SPTBN4: variants seen among roughly 807,000 people sequenced by gnomAD.
SPTBN4 encodes the protein spectrin beta chain, non-erythrocytic 4.
SPTBN4 carries 96 observed loss-of-function variants against 277.8 expected under a neutral mutation model. The observed-to-expected ratio is 0.35, with a 90% CI of 0.29 to 0.41. The LOEUF (loss-of-function observed/expected upper bound fraction) is 0.41, where lower values mean the gene tolerates loss of function less well. Ranked by LOEUF, SPTBN4 falls within the 10% of genes least tolerant of loss-of-function variation. The pLI is 1.00. For missense variants in SPTBN4, 3,006 were observed against 3,595.7 expected, an observed-to-expected ratio of 0.84 and a Z score of 4.19; for synonymous variants, 1,481 against 1,580.3, an observed-to-expected ratio of 0.94 and a Z score of 1.49.
chr19:40,554,317 G>C lies in SPTBN4; in HGVS notation c.4845G>C (p.Gln1615His), dbSNP rs761163124. The C allele has an allele frequency of 4.5e-6, 7 of 1,550,076 alleles. No homozygotes were observed. Among genetic ancestry groups the C allele is most frequent in the South Asian group, 3.5e-5 (3 of 84,908 alleles). ...GLREAAERRQ[Q>H]VLDAAFQVEQ... ...GGGAGGCTGCCGAGCGACGGCAGCA[G>C]GTGCTGGACGCCGCCTTCCAGGTGG... The change falls in exon 23 of 36, where the codon CAG (glutamine) becomes CAC (histidine). Residue 1615 changes from glutamine to histidine, a missense_variant. This residue lies in a region of SPTBN4 where 1,759 missense variants were observed against 2,061.5 expected (regional missense o/e 0.85). Coordinates refer to ENST00000598249, the MANE Select transcript of SPTBN4 (RefSeq NM_020971.3). This position sits in a 1 kb window ranked among gnomAD's most constrained non-coding sequence, Gnocchi z 5.7.
chr19:40,572,293 G>T (rs2081162935), intron 34 of SPTBN4, 45 bp from the exon 35 acceptor site: 5 of 1,612,200 alleles, frequency 3.1e-6, no homozygotes, highest in Non-Finnish European at 4.2e-6. Context: ...CAGGTGGGCT[G>T]GGCCCCTTCC....
At chr19:40,534,479 G>A in intron 20 of SPTBN4, 136 bp downstream of exon 20, 11 of 1,233,182 alleles carry the variant, frequency 8.9e-6, no homozygotes, top group Middle Eastern at 5.8e-4. Context: ...AGATGAGAAA[G>A]GGAATATTGA....
intron 2 of SPTBN4, among the ~76,000 whole-genome samples, chr19:40,481,470 T>TTTTTG (rs556360258): frequency 9.9e-5 from 15 of 151,976 alleles, no homozygotes; most frequent in Admixed American, 3.3e-4. Flanking sequence ...ATGGTCAGGT[T>TTTTTG]TTTTGTTTTG....
rs140501982 is a variant in SPTBN4 at position 40,490,101 on chromosome 19, G to A, written c.348G>A (p.Arg116=). Residue 116 remains arginine (R), a synonymous_variant, in exon 4 of 36, where the codon CGG becomes CGA. Coordinates refer to ENST00000598249, the MANE Select transcript of SPTBN4 (RefSeq NM_020971.3). This position sits in a 1 kb window ranked among gnomAD's most constrained non-coding sequence, Gnocchi z 4.3. The part of the protein sequence containing the change: ...QLPRPTRGRM[R]IHSLENVDKA... ...CCAGGCCCACGCGCGGCCGCATGCG[G>A]ATCCACTCACTGGAGAACGTGGACA... 1.1e-4 allele frequency: 177 copies of A among 1,613,290 alleles called. No homozygotes were observed. The African/African-American group carries it at 2.0e-3, about 18-fold the overall frequency.
chr19:40,513,554 G>C lies in SPTBN4; in HGVS notation c.2765G>C (p.Arg922Pro). 6.4e-7 allele frequency: 1 copy of C among 1,563,028 alleles called. No homozygotes were observed. ...SLDDVEVVQH[R>P]FESLDQEMNS... ...GACGACGTCGAGGTGGTGCAGCACC[G>C]GTGAGCGCGCACATGTGGGACTCCG... The change falls in exon 14 of 36, where the codon CGA (arginine) becomes CCA (proline). Residue 922 changes from arginine (R) to proline (P), a missense_variant and splice_region_variant. By Grantham distance (103) the Arg-to-Pro change is moderately radical (BLOSUM62 -2). This residue lies in a region of SPTBN4 where 1,759 missense variants were observed against 2,061.5 expected (regional missense o/e 0.85). Coordinates refer to ENST00000598249, the MANE Select transcript of SPTBN4 (RefSeq NM_020971.3).
intron 20 of SPTBN4, among the ~76,000 whole-genome samples, chr19:40,542,939 G>A (rs1362915621): frequency 6.6e-6 from 1 of 151,882 alleles, no homozygotes; most frequent in Non-Finnish European, 1.5e-5. Flanking sequence ...GTGCTGGCTC[G>A]GGGTCTGAGG....
intron 17 of SPTBN4, among the ~76,000 whole-genome samples, chr19:40,526,451 C>A (rs1022876913): frequency 2.6e-5 from 4 of 152,070 alleles, no homozygotes; most frequent in Admixed American, 2.0e-4. Flanking sequence ...GGATTACAGG[C>A]GTGAGCCACC....
chr19:40,493,217 C>T (rs954755650), intron 5 of SPTBN4, among the ~76,000 whole-genome samples, 163 bp downstream of exon 5: 2 of 152,198 alleles, frequency 1.3e-5, no homozygotes, highest in African/African-American at 4.8e-5. Flanking sequence ...ACTTCTCCAG[C>T]CTTGACTAAT....
intron 21 of SPTBN4, 23 bp downstream of exon 21, chr19:40,549,436 G>A: frequency 2.5e-6 from 3 of 1,214,360 alleles, no homozygotes; most frequent in Admixed American, 3.2e-5. Flanking sequence ...CAGGGGCCTG[G>A]GGCGGGGCGG....
chr19:40,472,705 G>A lies in SPTBN4; in HGVS notation c.84G>A (p.Pro28=), dbSNP rs143514364. 56 of 1,612,920 alleles carry A rather than the reference G, an allele frequency of 3.5e-5. No homozygotes were observed. The highest frequency in any genetic ancestry group is 3.7e-5 in the Non-Finnish European group (44 of 1,179,594). The change falls in exon 2 of 36, where the codon CCG becomes CCA. Residue 28 remains proline (P), a synonymous_variant. Transcript: ENST00000598249. ...ACCCTGCTGCCCGCTGGGAGAGTCCGGATCGGGGCTGGGAGCGGGAGCAGC... is the reference window on the plus strand; with the variant it reads ...ACCCTGCTGCCCGCTGGGAGAGTCCAGATCGGGGCTGGGAGCGGGAGCAGC... ...NNNPAARWES[P]DRGWEREQPA...
chr19:40,575,270 A>G (rs1452289654), intron 35 of SPTBN4, 141 bp from the exon 36 acceptor site: 12 of 1,003,778 alleles, frequency 1.2e-5, no homozygotes, highest in South Asian at 1.7e-5. Context: ...ACATATTGCT[A>G]TGTAACTGCA....
rs1161195514 is a variant in SPTBN4, at chr19:40,502,720, C to G, written c.1204-55C>G. 11 of 1,594,412 alleles carry G rather than the reference C, an allele frequency of 6.9e-6. No individual in the cohort carries two copies. Among genetic ancestry groups the G allele is most frequent in the African/African-American group, 1.3e-5 (1 of 74,376 alleles). ...TGAGTGACCTCAGACTAAGTCAAGA[C>G]CATTAAACTGTGGGGAGCTGTCAGA... On this transcript the variant is annotated intron_variant, in intron 10 of 35. Transcript: ENST00000598249. This position sits in a 1 kb window ranked among gnomAD's most constrained non-coding sequence, Gnocchi z 4.9.
intron 4 of SPTBN4, 78 bp from the exon 5 acceptor site, chr19:40,492,884 TG>T: frequency 7.9e-7 from 1 of 1,263,922 alleles, no homozygotes; most frequent in Non-Finnish European, 1.1e-6. Flanking sequence ...CCACCTTCTC[TG>T]GTAGCAGATG....
At chr19:40,482,551 T>C (rs544888910) in intron 2 of SPTBN4, among the ~76,000 whole-genome samples, 4 of 152,312 alleles carry the variant, frequency 2.6e-5, no homozygotes, top group Admixed American at 2.0e-4. Context: ...GGTTGCCGTA[T>C]CATGTGATAT....
chr19:40,504,140 C>T lies in SPTBN4; in HGVS notation c.1665+8C>T, dbSNP rs843779. The T allele has an allele frequency of 2.2e-4, 251 of 1,148,788 alleles. 14 individuals carry two copies. The highest frequency in any genetic ancestry group is 6.0e-4 in the African/African-American group (29 of 47,950). 71.2% of individuals were successfully genotyped at this position (1,148,788 alleles called of 1,614,324 possible). A position where few individuals can be genotyped will look rare whatever the true frequency, so the allele number is the denominator to read the frequency against. On this transcript the variant is annotated splice_region_variant and intron_variant, in intron 12 of 35. Coordinates refer to ENST00000598249, the MANE Select transcript of SPTBN4 (RefSeq NM_020971.3). Reference sequence around the variant, plus strand: ...TGGATGGAGGAGATGCAGGTGCCGGCGGGGGGGCGGGGATGCGGGTGGAGT... The same window carrying T: ...TGGATGGAGGAGATGCAGGTGCCGGTGGGGGGGCGGGGATGCGGGTGGAGT...
chr19:40,520,025 C>A lies in SPTBN4; in HGVS notation c.3528C>A (p.His1176Gln). 1 of 1,564,246 alleles carries A rather than the reference C, an allele frequency of 6.4e-7. No individual in the cohort carries two copies. Among genetic ancestry groups the A allele is most frequent in the Non-Finnish European group, 8.6e-7 (1 of 1,158,638 alleles). The change falls in exon 16 of 36, where the codon CAC (histidine) becomes CAA (glutamine). Residue 1176 changes from histidine (H) to glutamine (Q), a missense_variant. His to Gln is a conservative substitution (Grantham distance 24, BLOSUM62 0). This residue lies in a region of SPTBN4 where 1,759 missense variants were observed against 2,061.5 expected (regional missense o/e 0.85). Coordinates refer to ENST00000598249, the MANE Select transcript of SPTBN4 (RefSeq NM_020971.3). The part of the protein sequence containing the change: ...PGLALDEWLP[H>Q]LELGWHKLLG... ...TGGCACTAGACGAGTGGCTGCCACACCTCGAACTTGGCTGGCATAAACTGC... is the reference window on the plus strand; with the variant it reads ...TGGCACTAGACGAGTGGCTGCCACAACTCGAACTTGGCTGGCATAAACTGC...
At chr19:40,472,546 G>T (rs34004825) in intron 1 of SPTBN4, 61 bp from the exon 2 acceptor site, 1 of 1,450,996 alleles carries the variant, frequency 6.9e-7, no homozygotes, top group South Asian at 1.4e-5. Flanking sequence ...AGGACTCAAA[G>T]CCAGTCACTG....
At chr19:40,571,901 A>G in intron 33 of SPTBN4, 118 bp from the exon 34 acceptor site, 7 of 1,222,236 alleles carry the variant, frequency 5.7e-6, no homozygotes, top group Non-Finnish European at 7.7e-6. Context: ...GGGCGCAACT[A>G]GGGCGCAAAG....
intron 30 of SPTBN4, chr19:40,567,298 A>AAAATAAATAAATAAAT (rs57552574): frequency 1.1e-4 from 16 of 141,764 alleles, no homozygotes; most frequent in African/African-American, 1.1e-4. Context: ...GACTGTCTCA[A>AAAATAAATAAATAAAT]AAATAAATAA....
Sources: allele counts gnomAD v4.1 joint callset (sites outside exome capture counted in the v4.1 genomes callset), GRCh38; gene constraint gnomAD v4.1.1; regional missense constraint gnomAD v4.1.1; non-coding constraint Gnocchi (gnomAD v3.1); transcripts MANE v1.5; gene names NCBI Gene and HGNC (gene_info 2026-07-23, HGNC 2026-07-21).